Variants in ULK4 observed in about 807,000 individuals in gnomAD.
The protein encoded by ULK4 is unc-51 like kinase 4, also known as inactive serine/threonine-protein kinase ULK4.
Under a neutral mutation model 160.6 loss-of-function variants are expected in ULK4, and 133 were observed. The ratio of observed to expected loss-of-function variants is 0.83; its 90% CI spans 0.72 to 0.96. The LOEUF (loss-of-function observed/expected upper bound fraction) is 0.96, where lower values mean the gene tolerates loss of function less well. Among genes scored for constraint, ULK4 ranks in the 40% least tolerant of loss-of-function variants. The probability of loss-of-function intolerance (pLI) is 0.00; values close to 1 mark genes in which losing one functional copy is unlikely to be tolerated. For synonymous variants in ULK4, 534 were observed against 539.8 expected, an observed-to-expected ratio of 0.99 and a Z score of 0.15; for missense variants, 1,580 against 1,499.5, an observed-to-expected ratio of 1.05 and a Z score of -0.89.
chr3:41,814,421 G>T (rs1432997230), intron 19 of ULK4, among the ~76,000 whole-genome samples: 1 of 152,150 alleles, frequency 6.6e-6, no homozygotes, highest in African/African-American at 2.4e-5. Context: ...AATTTGTTGA[G>T]ATTTTCCTTA....
chr3:41,951,956 A>G (rs1700307630), intron 2 of ULK4, among the ~76,000 whole-genome samples: 2 of 152,220 alleles, frequency 1.3e-5, no homozygotes, highest in South Asian at 2.1e-4. Flanking sequence ...AACTGTGACC[A>G]ATAAATTTCT....
chr3:41,710,984 G>C (rs2037076308), intron 25 of ULK4, among the ~76,000 whole-genome samples: 1 of 152,080 alleles, frequency 6.6e-6, no homozygotes, highest in South Asian at 2.1e-4. Context: ...AATCAGGGGT[G>C]GTGGGCCGAC....
chr3:41,647,681 C>G (rs191116834), intron 30 of ULK4, among the ~76,000 whole-genome samples: 52 of 152,346 alleles, frequency 3.4e-4, no homozygotes, highest in Non-Finnish European at 5.7e-4. Context: ...TGCCCGTTCT[C>G]AGATCTCCAG....
At position 41,629,851 on chromosome 3, in the gene ULK4, G is replaced by C. The variant is rs1575501063; in HGVS notation, c.3072-14134C>G. ...ATAAAAAAAAAAAATATAAAAATTA[G>C]CCAGGCATAGTGGTGGGTGCCTGTA... On this transcript the variant is annotated intron_variant, in intron 30 of 36. Transcript: ENST00000301831. Among the ~76,000 whole-genome samples the C allele has an allele frequency of 2.0e-5, 3 of 152,028 alleles. No individual in the cohort carries two copies. In the Middle Eastern group the frequency reaches 0.01, roughly 517 times the overall value.
chr3:41,937,313 C>A lies in ULK4; in HGVS notation c.238+785G>T, dbSNP rs775871895. ...TGATAACCTTGTCCATGTGTACATCCATGGAAGTAATCAACCATAATCCTG... is the reference window on the plus strand; with the variant it reads ...TGATAACCTTGTCCATGTGTACATCAATGGAAGTAATCAACCATAATCCTG... On this transcript the variant is annotated intron_variant, in intron 3 of 36. Coordinates refer to ENST00000301831, the MANE Select transcript of ULK4 (RefSeq NM_017886.4). 2.6e-4 allele frequency: 183 copies of A among 692,948 alleles called. No homozygotes were observed. In the East Asian group the frequency reaches 4.5e-3, roughly 17 times the overall value. 42.9% of individuals were successfully genotyped at this position (692,948 alleles called of 1,614,324 possible).
At chr3:41,582,264 G>A (rs983960094) in intron 31 of ULK4, among the ~76,000 whole-genome samples, 7 of 152,018 alleles carry the variant, frequency 4.6e-5, no homozygotes, top group East Asian at 1.9e-4. Context: ...TGCCATGATT[G>A]TAAGACTTCC....
chr3:41,696,142 A>G (rs887667225), intron 27 of ULK4, among the ~76,000 whole-genome samples: 2 of 151,882 alleles, frequency 1.3e-5, no homozygotes, highest in Non-Finnish European at 2.9e-5. Flanking sequence ...AAAAGACTCT[A>G]CTCCTCCACC....
chr3:41,325,476 C>T (rs540537463), intron 35 of ULK4, among the ~76,000 whole-genome samples: 2 of 152,284 alleles, frequency 1.3e-5, no homozygotes, highest in African/African-American at 4.8e-5. Context: ...TTGATGCAAA[C>T]ACTTATCCAT....
intron 22 of ULK4, among the ~76,000 whole-genome samples, chr3:41,750,284 C>T (rs1169840333): frequency 6.6e-6 from 1 of 152,206 alleles, no homozygotes; most frequent in Non-Finnish European, 1.5e-5. Context: ...TTTCCCTTTG[C>T]TTCTGCCCTT....
At chr3:41,601,599 A>G (rs2032066288) in intron 31 of ULK4, among the ~76,000 whole-genome samples, 2 of 152,182 alleles carry the variant, frequency 1.3e-5, no homozygotes, top group Admixed American at 6.5e-5. Flanking sequence ...ATGACAGGCC[A>G]TGCTAACTGT....
intron 5 of ULK4, among the ~76,000 whole-genome samples, chr3:41,924,117 C>T (rs1400914602): frequency 1.3e-5 from 2 of 152,084 alleles, no homozygotes; most frequent in Non-Finnish European, 2.9e-5. Context: ...AAAATTTTTG[C>T]CCTAAAATCA....
At chr3:41,430,452 G>A (rs2082879009) in intron 34 of ULK4, among the ~76,000 whole-genome samples, 1 of 152,086 alleles carries the variant, frequency 6.6e-6, no homozygotes, top group Non-Finnish European at 1.5e-5. Flanking sequence ...GCTCTGCTTC[G>A]TGTGCCTTCA....
intron 30 of ULK4, among the ~76,000 whole-genome samples, chr3:41,662,923 A>G (rs2035228495): frequency 1.3e-5 from 2 of 151,928 alleles, no homozygotes; most frequent in African/African-American, 4.8e-5. Flanking sequence ...TAAAAAATAA[A>G]AAAAAAAAGT....
chr3:41,776,648 TC>T lies in ULK4; in HGVS notation c.2193+13012del, dbSNP rs1220283188. Reference sequence around the variant, plus strand: ...TAGCATGAAGGGTTGTTGAATTTTGTCAAAGGCTTTTTCTGCATCTATTGAG... The same window carrying T: ...TAGCATGAAGGGTTGTTGAATTTTGTAAAGGCTTTTTCTGCATCTATTGAG... On this transcript the variant is annotated intron_variant, in intron 21 of 36. Transcript: ENST00000301831. Among the ~76,000 whole-genome samples the T allele has an allele frequency of 1.8e-5, 2 of 113,478 alleles. 1 individual carries two copies. The highest frequency in any genetic ancestry group is 4.1e-5 in the Non-Finnish European group (2 of 49,114). The allele number at this position is 113,478 out of a possible 152,430, so 74.4% of individuals were successfully genotyped here. A position where few individuals can be genotyped will look rare whatever the true frequency, so the allele number is the denominator to read the frequency against.
chr3:41,467,484 G>A (rs182489978), intron 32 of ULK4, among the ~76,000 whole-genome samples: 1 of 152,272 alleles, frequency 6.6e-6, no homozygotes, highest in Admixed American at 6.5e-5. Flanking sequence ...CTGAGATTGT[G>A]CCACTGCACT....
intron 22 of ULK4, among the ~76,000 whole-genome samples, chr3:41,723,376 C>T (rs2037542346): frequency 6.6e-6 from 1 of 152,040 alleles, no homozygotes; most frequent in African/African-American, 2.4e-5. Context: ...TCTTTGTCCC[C>T]TTCTTTATCC....
intron 35 of ULK4, among the ~76,000 whole-genome samples, chr3:41,343,816 G>A (rs72864972): frequency 0.016 from 2,483 of 152,220 alleles, 89 homozygotes; most frequent in African/African-American, 0.055. Context: ...CCTTTTCAAG[G>A]AGAAGTAAAA....
At chr3:41,650,185 C>T (rs539869504) in intron 30 of ULK4, among the ~76,000 whole-genome samples, 93 of 152,268 alleles carry the variant, frequency 6.1e-4, no homozygotes, top group Middle Eastern at 3.4e-3. Flanking sequence ...AGCTCCTCTC[C>T]GTCTTGCTCA....
intron 4 of ULK4, among the ~76,000 whole-genome samples, chr3:41,932,284 G>C (rs1274760351): frequency 6.6e-6 from 1 of 152,222 alleles, no homozygotes; most frequent in Non-Finnish European, 1.5e-5. Flanking sequence ...GATTAACAAC[G>C]ATGAAAATAA....
Sources: gnomAD v4.1 joint callset for allele counts (sites outside exome capture counted in the v4.1 genomes callset) on GRCh38, gnomAD v4.1.1 for gene constraint, MANE v1.5 for transcripts, NCBI Gene and HGNC (gene_info 2026-07-23, HGNC 2026-07-21) for gene names.